The following RBM22 variants were observed in gnomAD, a reference collection of about 807,000 sequenced individuals.
RBM22 encodes pre-mRNA-splicing factor RBM22.
In RBM22, 1 loss-of-function variant was observed where a neutral mutation model predicts 50.1. The observed-to-expected ratio is 0.02, with a 90% confidence interval of 0.01 to 0.09. The LOEUF (loss-of-function observed/expected upper bound fraction) is 0.09, where lower values mean the gene tolerates loss of function less well. RBM22 is among the 10% of genes least tolerant of loss of function. RBM22 has a pLI of 1.00. For missense variants in RBM22, 264 were observed against 529.3 expected, an observed-to-expected ratio of 0.50 and a Z score of 4.92; for synonymous variants, 152 against 179.0, an observed-to-expected ratio of 0.85 and a Z score of 1.20.
intron 2 of RBM22, 108 bp downstream of exon 2, chr5:150,700,336 G>C: frequency 8.8e-7 from 1 of 1,140,410 alleles, no homozygotes; most frequent in Non-Finnish European, 1.3e-6. Context: ...CTTCGCGTTA[G>C]TAAAAGAGCA....
rs1469892766 is a variant in RBM22 at position 150,693,261 on chromosome 5, C to G, written c.958G>C (p.Asp320His). ...GKEKEKDGTT[D>H]SGIKLEPVPG... ...ACAGGTTCTAGTTTGATCCCAGAGT[C>G]TGTAGTTCCATCTTTCTCTTTTTCT... Residue 320 changes from aspartate (D) to histidine (H), a missense_variant, in exon 9 of 11, where the codon GAC becomes CAC. By Grantham distance (81) the Asp-to-His change is moderately conservative (BLOSUM62 -1). Coordinates refer to ENST00000199814, the MANE Select transcript of RBM22 (RefSeq NM_018047.3). The G allele has an allele frequency of 6.2e-7, 1 of 1,613,986 alleles. No individual in the cohort carries two copies. Among genetic ancestry groups the G allele is most frequent in the Admixed American group, 1.7e-5 (1 of 60,004 alleles).
At chr5:150,697,463 A>G (rs1279679995) in intron 4 of RBM22, among the ~76,000 whole-genome samples, 4 of 152,188 alleles carry the variant, frequency 2.6e-5, no homozygotes, top group African/African-American at 9.7e-5. Flanking sequence ...TTTTAGATGA[A>G]CAAACTGTGC....
rs1759283926 is a variant in RBM22 at position 150,696,965 on chromosome 5, A to T, written c.272-74T>A. ...TCCATACTAACCATGCACACAGAAT[A>T]CATCATCTTTCCCTTCTCCTCTTTC... On this transcript the variant is annotated intron_variant, in intron 4 of 10. Transcript: ENST00000199814. The surrounding 1 kb of genome is among the most constrained non-coding windows in gnomAD (Gnocchi z 4.3). 7.3e-7 allele frequency: 1 copy of T among 1,365,984 alleles called. No homozygotes were observed. The allele number at this position is 1,365,984 out of a possible 1,614,324, so 84.6% of individuals were successfully genotyped here. A position where few individuals can be genotyped will look rare whatever the true frequency, so the allele number is the denominator to read the frequency against.
At chr5:150,695,733 T>A in intron 6 of RBM22, 27 bp from the exon 7 acceptor site, 1 of 1,561,068 alleles carries the variant, frequency 6.4e-7, no homozygotes, top group Non-Finnish European at 8.8e-7. Context: ...AAACAAGGCA[T>A]AAAGGTGAAA....
In RBM22 at chr5:150,692,688, A is replaced by G. The variant is rs80133427; in HGVS notation, c.1132+207T>C. Among the ~76,000 whole-genome samples, 467 of 152,272 alleles carry G rather than the reference A, an allele frequency of 3.1e-3. 4 individuals carry two copies. Among genetic ancestry groups the G allele is most frequent in the Middle Eastern group, 0.014 (4 of 294 alleles). On this transcript the variant is annotated intron_variant, in intron 10 of 10. Coordinates refer to ENST00000199814, the MANE Select transcript of RBM22 (RefSeq NM_018047.3). ...ATAATCTTACTCTGCTGACACATAT[A>G]CGCGGATCTTTAGAAAACTGGCCCC...
rs1052277967 is a variant in RBM22 at position 150,691,746 on chromosome 5, A to T, written c.*5T>A. On this transcript the variant is annotated 3_prime_UTR_variant, in exon 11 of 11. Transcript: ENST00000199814. ...TCCACAGAGCCCCAGAGTGGTGACA[A>T]GGTGCTAGGGGCTGCTGTGTTTTCC... The T allele has an allele frequency of 6.5e-7, 1 of 1,542,804 alleles. No homozygotes were observed. The highest frequency in any genetic ancestry group is 8.7e-7 in the Non-Finnish European group (1 of 1,144,664).
chr5:150,698,823 G>A (rs1759308573), intron 3 of RBM22, among the ~76,000 whole-genome samples, 192 bp from the exon 4 acceptor site: 1 of 152,164 alleles, frequency 6.6e-6, no homozygotes, highest in Non-Finnish European at 1.5e-5. Flanking sequence ...TCAGAGTACA[G>A]AAATGAAATA....
At position 150,700,311 on chromosome 5, in the gene RBM22, G is replaced by A. The variant is rs41290553; in HGVS notation, c.108+133C>T. 8.8e-3 allele frequency: 7,264 copies of A among 826,912 alleles called. 50 individuals are homozygous for A. Among genetic ancestry groups the A allele is most frequent in the Non-Finnish European group, 0.011 (5,654 of 521,216 alleles). The allele number at this position is 826,912 out of a possible 1,614,324, so 51.2% of individuals were successfully genotyped here. On this transcript the variant is annotated intron_variant, in intron 2 of 10. Transcript: ENST00000199814. ...AAGAGAATACACATGACAGTTCTTT[G>A]CAAGTCGTCCAGCACTTCGCGTTAG...
chr5:150,697,612 T>C (rs956866232), intron 4 of RBM22: 4 of 191,424 alleles, frequency 2.1e-5, no homozygotes, highest in Non-Finnish European at 4.4e-5. Flanking sequence ...AGGGTCACTG[T>C]ACTCCAGGAC....
chr5:150,694,383 C>T (rs1482827007), intron 7 of RBM22, 143 bp from the exon 8 acceptor site: 1 of 1,315,998 alleles, frequency 7.6e-7, no homozygotes, highest in South Asian at 1.7e-5. Context: ...CAGGTCTCCA[C>T]CCCATATCTT....
At chr5:150,698,450 G>A in intron 4 of RBM22, 49 bp downstream of exon 4, 2 of 1,595,086 alleles carry the variant, frequency 1.3e-6, no homozygotes, top group Non-Finnish European at 8.6e-7. Flanking sequence ...CTGACTTGTA[G>A]TTTTAGGCAC....
chr5:150,698,693 T>G, intron 3 of RBM22, 62 bp from the exon 4 acceptor site: 1 of 1,584,478 alleles, frequency 6.3e-7, no homozygotes, highest in Non-Finnish European at 8.6e-7. Flanking sequence ...TCTGGAGATC[T>G]GATAACAACG....
intron 10 of RBM22, 55 bp downstream of exon 10, chr5:150,692,840 T>C: frequency 2.6e-6 from 4 of 1,510,994 alleles, no homozygotes; most frequent in Non-Finnish European, 3.6e-6. Flanking sequence ...GTGAGGTTTA[T>C]GAGACAGAAC....
intron 4 of RBM22, among the ~76,000 whole-genome samples, chr5:150,697,274 T>C (rs1441271248): frequency 6.6e-6 from 1 of 151,784 alleles, no homozygotes; most frequent in African/African-American, 2.4e-5. Flanking sequence ...ATACAAAAAT[T>C]AGCTGGGTGT....
intron 7 of RBM22, chr5:150,694,975 G>C (rs1445900000): frequency 6.5e-6 from 1 of 153,918 alleles, no homozygotes; most frequent in African/African-American, 2.4e-5. Flanking sequence ...TTGGCTGTTA[G>C]GTCAAATAGA....
chr5:150,700,711 G>A lies in RBM22; in HGVS notation c.55-214C>T, dbSNP rs757640178. The A allele has an allele frequency of 1.8e-5, 27 of 1,533,738 alleles. No individual in the cohort carries two copies. In the African/African-American group the frequency reaches 2.9e-4, roughly 16 times the overall value. ...AAACCAGCTCTAATAGGCTGGAGGGGGCAGGGATGGAAAGGGTGCTGGTCC... is the reference window on the plus strand; with the variant it reads ...AAACCAGCTCTAATAGGCTGGAGGGAGCAGGGATGGAAAGGGTGCTGGTCC... On this transcript the variant is annotated intron_variant, in intron 1 of 10. Coordinates refer to ENST00000199814, the MANE Select transcript of RBM22 (RefSeq NM_018047.3).
At chr5:150,692,758 C>G (rs1047711514) in intron 10 of RBM22, 137 bp downstream of exon 10, 9 of 1,037,268 alleles carry the variant, frequency 8.7e-6, no homozygotes, top group Non-Finnish European at 1.2e-5. Flanking sequence ...TTTCAGAAAT[C>G]CCAACAGATC....
At position 150,691,865 on chromosome 5, in the gene RBM22, C is replaced by T; in HGVS notation, c.1149G>A (p.Met383Ile). The change falls in exon 11 of 11, where the codon ATG becomes ATA. Residue 383 changes from methionine to isoleucine, a missense_variant. Around this residue, in one of 7 missense-constraint regions of RBM22, gnomAD observed 106 missense variants for 137.1 expected, o/e 0.77. Coordinates refer to ENST00000199814, the MANE Select transcript of RBM22 (RefSeq NM_018047.3). ...PPPPPGFGPH[M>I]FHPMGPPPPF... Reference sequence around the variant, plus strand: ...GAGGGGGTGGTCCCATTGGGTGGAACATGTGTGGCCCAAAACCTGCAGATA... The same window carrying T: ...GAGGGGGTGGTCCCATTGGGTGGAATATGTGTGGCCCAAAACCTGCAGATA... 6.3e-7 allele frequency: 1 copy of T among 1,591,850 alleles called. No individual in the cohort carries two copies. Among genetic ancestry groups the T allele is most frequent in the Non-Finnish European group, 8.5e-7 (1 of 1,169,750 alleles).
chr5:150,696,457 G>C lies in RBM22; in HGVS notation c.545+76C>G, dbSNP rs1175401726. 36 of 1,460,060 alleles carry C rather than the reference G, an allele frequency of 2.5e-5. No individual in the cohort carries two copies. The highest frequency in any genetic ancestry group is 3.3e-5 in the Non-Finnish European group (35 of 1,068,158). The allele number at this position is 1,460,060 out of a possible 1,614,324, so 90.4% of individuals were successfully genotyped here. A position where few individuals can be genotyped will look rare whatever the true frequency, so the allele number is the denominator to read the frequency against. On this transcript the variant is annotated intron_variant, in intron 6 of 10. Coordinates refer to ENST00000199814, the MANE Select transcript of RBM22 (RefSeq NM_018047.3). This position sits in a 1 kb window ranked among gnomAD's most constrained non-coding sequence, Gnocchi z 4.3. Reference sequence around the variant, plus strand: ...ACCTTTAGATTTTAAAGCAGAAACAGTTTAAGTTAGGACCTCCCACTTCTT... The same window carrying C: ...ACCTTTAGATTTTAAAGCAGAAACACTTTAAGTTAGGACCTCCCACTTCTT...
Sources: allele counts gnomAD v4.1 joint callset (sites outside exome capture counted in the v4.1 genomes callset), GRCh38; gene constraint gnomAD v4.1.1; regional missense constraint gnomAD v4.1.1; non-coding constraint Gnocchi (gnomAD v3.1); transcripts MANE v1.5; gene names NCBI Gene and HGNC (gene_info 2026-07-23, HGNC 2026-07-21).